EGF: variants seen among roughly 807,000 people sequenced by gnomAD.
The protein encoded by EGF is pro-epidermal growth factor.
A neutral mutation model predicts 143.8 loss-of-function variants in EGF; 95 were observed. The ratio of observed to expected loss-of-function variants is 0.66; its 90% CI spans 0.56 to 0.78. EGF has a LOEUF of 0.78. EGF is among the 30% of genes least tolerant of loss of function. The probability of loss-of-function intolerance (pLI) is 0.00; values close to 1 mark genes in which losing one functional copy is unlikely to be tolerated. For synonymous variants in EGF, 510 were observed against 510.5 expected (o/e 1.00, Z 0.01); for missense variants, 1,320 against 1,470.9 (o/e 0.90, Z 1.68).
At chr4:109,956,319 T>G (rs1744779227) in intron 5 of EGF, among the ~76,000 whole-genome samples, 1 of 152,180 alleles carries the variant, frequency 6.6e-6, no homozygotes, top group African/African-American at 2.4e-5. Flanking sequence ...CATGCTGAGT[T>G]TGGAAAGATT....
At chr4:109,997,470 C>CT (rs1440949642) in intron 20 of EGF, among the ~76,000 whole-genome samples, 189 of 149,984 alleles carry the variant, frequency 1.3e-3, no homozygotes, top group African/African-American at 4.2e-3. Context: ...TTTTTTTTTT[C>CT]TTTTTTTTTG....
intron 14 of EGF, chr4:109,980,624 A>G: frequency 3.1e-6 from 2 of 637,584 alleles, no homozygotes; most frequent in East Asian, 5.6e-5. Context: ...CTAATAAGGT[A>G]ATAACATTCT....
At chr4:109,985,256 T>C (rs1225782188) in intron 16 of EGF, among the ~76,000 whole-genome samples, 2 of 152,218 alleles carry the variant, frequency 1.3e-5, no homozygotes, top group Admixed American at 6.5e-5. Context: ...TTGTGTTCTG[T>C]GTTGTCCTAG....
intron 21 of EGF, 90 bp from the exon 22 acceptor site, chr4:110,004,415 C>A: frequency 9.3e-7 from 1 of 1,072,004 alleles, no homozygotes; most frequent in Non-Finnish European, 1.4e-6. Flanking sequence ...ATTTTAGTAG[C>A]AAAAGCAGTT....
intron 1 of EGF, among the ~76,000 whole-genome samples, chr4:109,940,111 C>T (rs966321587): frequency 7.9e-5 from 12 of 152,058 alleles, no homozygotes; most frequent in Non-Finnish European, 1.6e-4. Context: ...ATCAGGTTCC[C>T]AAGTAGATAT....
intron 2 of EGF, among the ~76,000 whole-genome samples, chr4:109,941,553 G>A (rs1487305680): frequency 1.3e-5 from 2 of 152,182 alleles, no homozygotes; most frequent in South Asian, 2.1e-4. Flanking sequence ...AGTAGGTGAG[G>A]TAGGAAGGTG....
chr4:109,968,678 ATC>A, intron 10 of EGF: 1 of 267,844 alleles, frequency 3.7e-6, no homozygotes, highest in Non-Finnish European at 6.9e-6. Context: ...ATATACATCT[ATC>A]TATCTATCTA....
At chr4:109,992,060 G>A (rs1751007512) in intron 18 of EGF, among the ~76,000 whole-genome samples, 1 of 150,984 alleles carries the variant, frequency 6.6e-6, no homozygotes, top group African/African-American at 2.4e-5. Flanking sequence ...TGTGGTCCAA[G>A]CTACTTGGTG....
chr4:109,975,613 CA>C (rs1370563507), intron 12 of EGF, among the ~76,000 whole-genome samples: 2 of 152,146 alleles, frequency 1.3e-5, no homozygotes, highest in Non-Finnish European at 2.9e-5. Context: ...TTTACAAATG[CA>C]GTGAATTTTA....
At chr4:109,944,335 A>G (rs1301811243) in intron 4 of EGF, among the ~76,000 whole-genome samples, 1 of 152,106 alleles carries the variant, frequency 6.6e-6, no homozygotes, top group Non-Finnish European at 1.5e-5. Flanking sequence ...GCTATTCGGG[A>G]GGCTGAGGCA....
rs546176015 is a variant in EGF at position 109,961,570 on chromosome 4, A to G, written c.1190-293A>G. ...ACTATTGGGTACTACATTTCATTGT[A>G]TATCTCTAAAGGATAGGCATGTAAA... On this transcript the variant is annotated intron_variant, in intron 7 of 23. Transcript: ENST00000265171. Among the ~76,000 whole-genome samples, 6 of 152,226 alleles carry G rather than the reference A, an allele frequency of 3.9e-5. No individual in the cohort carries two copies. In the South Asian group the frequency reaches 1.2e-3, roughly 32 times the overall value.
chr4:109,974,866 G>A, intron 12 of EGF, 59 bp downstream of exon 12: 1 of 1,369,678 alleles, frequency 7.3e-7, no homozygotes, highest in South Asian at 1.2e-5. Context: ...GTTCATGGTT[G>A]ATATGCTAGT....
At chr4:110,008,101 A>C in intron 22 of EGF, 51 bp from the exon 23 acceptor site, 1 of 1,504,700 alleles carries the variant, frequency 6.6e-7, no homozygotes, top group Non-Finnish European at 9.3e-7. Flanking sequence ...ACGTTGAGAT[A>C]ATTTGTGAAT....
rs919037634 is a variant in EGF at position 109,913,198 on chromosome 4, C to T, written c.-138C>T. The T allele has an allele frequency of 2.6e-5, 27 of 1,025,692 alleles. No homozygotes were observed. Among genetic ancestry groups the T allele is most frequent in the Non-Finnish European group, 3.6e-5 (24 of 669,356 alleles). The allele number at this position is 1,025,692 out of a possible 1,614,324, so 63.5% of individuals were successfully genotyped here. A position where few individuals can be genotyped will look rare whatever the true frequency, so the allele number is the denominator to read the frequency against. On this transcript the variant is annotated 5_prime_UTR_variant, in exon 1 of 24. Coordinates refer to ENST00000265171, the MANE Select transcript of EGF (RefSeq NM_001963.6). ...AAGAGCTTGGAGGACAACAGCACAA[C>T]AGGAGAGTAAAAGATGCCCCAGGGC... is the stretch of plus-strand genomic sequence containing the variant.
chr4:109,933,430 T>G (rs1026049905), intron 1 of EGF, among the ~76,000 whole-genome samples: 1 of 152,104 alleles, frequency 6.6e-6, no homozygotes, highest in Non-Finnish European at 1.5e-5. Context: ...TTTTCTTTTT[T>G]TTTTTTTTAT....
intron 1 of EGF, among the ~76,000 whole-genome samples, chr4:109,929,098 G>C (rs1739248209): frequency 6.6e-6 from 1 of 152,144 alleles, no homozygotes; most frequent in African/African-American, 2.4e-5. Flanking sequence ...CCAGCCTTAT[G>C]GTGAATATGC....
intron 21 of EGF, among the ~76,000 whole-genome samples, chr4:110,000,883 C>G (rs1752490675): frequency 6.6e-6 from 1 of 152,122 alleles, no homozygotes; most frequent in Non-Finnish European, 1.5e-5. Context: ...GACCTAAGAC[C>G]CACTTGACTA....
At chr4:109,943,143 C>T (rs1184040483) in intron 2 of EGF, 111 bp from the exon 3 acceptor site, 3 of 775,704 alleles carry the variant, frequency 3.9e-6, no homozygotes, top group Non-Finnish European at 6.0e-6. Context: ...TTTGGAACTG[C>T]ATAAAGATGA....
At chr4:110,009,132 C>T (rs1220719236) in intron 23 of EGF, among the ~76,000 whole-genome samples, 2 of 152,184 alleles carry the variant, frequency 1.3e-5, no homozygotes, top group African/African-American at 4.8e-5. Context: ...ATTCCCTTCT[C>T]ATACCTATGT....
Sources: gnomAD v4.1 joint callset for allele counts (sites outside exome capture counted in the v4.1 genomes callset) on GRCh38, gnomAD v4.1.1 for gene constraint, MANE v1.5 for transcripts, NCBI Gene and HGNC (gene_info 2026-07-23, HGNC 2026-07-21) for gene names.